ZFR2: variants seen among roughly 807,000 people sequenced by gnomAD.
The protein encoded by ZFR2 is zinc finger RNA-binding protein 2.
In ZFR2, 104 loss-of-function variants were observed where a neutral mutation model predicts 105.7. The ratio of observed to expected loss-of-function variants is 0.98; its 90% confidence interval spans 0.84 to 1.16. The LOEUF (loss-of-function observed/expected upper bound fraction) is 1.16, where lower values mean the gene tolerates loss of function less well. ZFR2 is among the 50% of genes most tolerant of loss of function. ZFR2 has a pLI of 0.00. For missense variants in ZFR2, 1,425 were observed against 1,355.5 expected, an observed-to-expected ratio of 1.05 and a Z score of -0.80; for synonymous variants, 634 against 597.7, an observed-to-expected ratio of 1.06 and a Z score of -0.89.
chr19:3,820,594 C>A (rs2037879289), intron 10 of ZFR2, among the ~76,000 whole-genome samples: 2 of 152,124 alleles, frequency 1.3e-5, no homozygotes, highest in African/African-American at 4.8e-5. Flanking sequence ...ACACCAGAGT[C>A]AGATGTTACA....
rs1159279080 is a variant in ZFR2 at position 3,838,786 on chromosome 19, G to A, written c.54-3803C>T. On this transcript the variant is annotated intron_variant, in intron 1 of 18. Coordinates refer to ENST00000262961, the MANE Select transcript of ZFR2 (RefSeq NM_015174.2). The surrounding 1 kb of genome is among the most constrained non-coding windows in gnomAD (Gnocchi z 4.9). ...CCTGGTCCTGCTTTTTCTTCTTCCT[G>A]GCACCACCCAGTATACACTGCACGT... Among the ~76,000 whole-genome samples, 3 of 151,966 alleles carry A rather than the reference G, an allele frequency of 2.0e-5. No homozygotes were observed. The highest frequency in any genetic ancestry group is 4.4e-5 in the Non-Finnish European group (3 of 68,008).
intron 6 of ZFR2, 29 bp downstream of exon 6, chr19:3,827,442 G>A: frequency 3.3e-6 from 5 of 1,502,554 alleles, no homozygotes; most frequent in Non-Finnish European, 4.4e-6. Context: ...TCCCCAGGGT[G>A]GCAGAGCCTG....
At position 3,821,332 on chromosome 19, in the gene ZFR2, C is replaced by A. The variant is rs200193713; in HGVS notation, c.1631+8G>T. The A allele has an allele frequency of 4.6e-4, 721 of 1,579,250 alleles. 10 individuals carry two copies. The Middle Eastern group carries it at 7.4e-3, about 16-fold the overall frequency. On this transcript the variant is annotated splice_region_variant and intron_variant, in intron 10 of 18. Transcript: ENST00000262961. ...CAGGCCCCCTTGCCAAGACCCGCAG[C>A]CGGGCACCTCCTCTCCGCGTGCCAG...
rs201795020 is a variant in ZFR2 at position 3,813,881 on chromosome 19, C to G, written c.2181G>C (p.Arg727Ser). 78 of 1,613,782 alleles carry G rather than the reference C, an allele frequency of 4.8e-5. No individual in the cohort carries two copies. The highest frequency in any genetic ancestry group is 6.2e-5 in the Non-Finnish European group (73 of 1,179,870). ...NIVISSCEEP[R>S]MQVTISVTSP... The stretch of plus-strand genomic sequence containing the variant: ...AGGTGACAGATATGGTGACCTGCAT[C>G]CTGGGCTCCTCACAGGAGGAGATGA... Residue 727 changes from arginine (R) to serine (S), a missense_variant, in exon 14 of 19, where the codon AGG (arginine) becomes AGC (serine). Physicochemically the swap from Arg to Ser is moderately radical, Grantham distance 110 (BLOSUM62 -1). Transcript: ENST00000262961. This position sits in a 1 kb window ranked among gnomAD's most constrained non-coding sequence, Gnocchi z 4.4.
At position 3,831,311 on chromosome 19, in the gene ZFR2, C is replaced by T; in HGVS notation, c.844G>A (p.Gly282Ser). 1 of 1,536,366 alleles carries T rather than the reference C, an allele frequency of 6.5e-7. No individual in the cohort carries two copies. The highest frequency in any genetic ancestry group is 2.4e-5 in the East Asian group (1 of 41,592). Residue 282 changes from glycine to serine, a missense_variant, in exon 5 of 19, where the codon GGC becomes AGC. Transcript: ENST00000262961. Reference protein sequence around the residue: ...YCDICKISCAGPQTYREHLGG... With the variant: ...YCDICKISCASPQTYREHLGG... ...GCAGGAGGGCGACTGACCTGGGGGC[C>T]AGCGCAGCTGATCTTGCAGATGTCG...
In ZFR2 at chr19:3,813,826, C is replaced by T. The variant is rs891651325; in HGVS notation, c.2236G>A (p.Asp746Asn). The change falls in exon 14 of 19, where the codon GAC becomes AAC. Residue 746 changes from aspartate to asparagine, a missense_variant. Asp to Asn is a conservative substitution (Grantham distance 23). Coordinates refer to ENST00000262961, the MANE Select transcript of ZFR2 (RefSeq NM_015174.2). The surrounding 1 kb of genome is among the most constrained non-coding windows in gnomAD (Gnocchi z 4.4). ...SPLMREDPST[D>N]PGVEEPQADA... is the part of the protein sequence containing the mutation. ...AGGAAGGGCTGGGCCGCACCTGGGTCTGTGGAGGGGTCCTCCCGCATCAGA... is the reference window on the plus strand; with the variant it reads ...AGGAAGGGCTGGGCCGCACCTGGGTTTGTGGAGGGGTCCTCCCGCATCAGA... The T allele has an allele frequency of 6.2e-7, 1 of 1,613,640 alleles. No individual in the cohort carries two copies. Among genetic ancestry groups the T allele is most frequent in the Non-Finnish European group, 8.5e-7 (1 of 1,179,836 alleles).
At chr19:3,844,891 C>T (rs1053587984) in intron 1 of ZFR2, among the ~76,000 whole-genome samples, 1 of 152,182 alleles carries the variant, frequency 6.6e-6, no homozygotes, top group Non-Finnish European at 1.5e-5. Context: ...TCAGTCTCTG[C>T]AGCTAGTGTC....
At chr19:3,814,082 T>C in intron 13 of ZFR2, 124 bp from the exon 14 acceptor site, 1 of 1,407,662 alleles carries the variant, frequency 7.1e-7, no homozygotes, top group East Asian at 2.5e-5. Context: ...GCTGCCTGGG[T>C]GCCGGGCCCT....
At position 3,821,436 on chromosome 19, in the gene ZFR2, C is replaced by A. The variant is rs372547167; in HGVS notation, c.1535G>T (p.Ser512Ile). The A allele has an allele frequency of 2.5e-6, 4 of 1,609,872 alleles. No individual in the cohort carries two copies. In the East Asian group the frequency reaches 6.7e-5, roughly 27 times the overall value. Reference sequence around the variant, plus strand: ...CTCCTCCAGGACCTTCCGAGCCCGGCTGCTGGGCTCCGTGGCAATGGGAAG... The same window carrying A: ...CTCCTCCAGGACCTTCCGAGCCCGGATGCTGGGCTCCGTGGCAATGGGAAG... Reference protein sequence around the residue: ...PDLPIATEPSSRARKVLEERM... With the variant: ...PDLPIATEPSIRARKVLEERM... Residue 512 changes from serine (S) to isoleucine (I), a missense_variant, in exon 10 of 19, where the codon AGC becomes ATC. By Grantham distance (142) the Ser-to-Ile change is moderately radical. Transcript: ENST00000262961.
chr19:3,819,317 G>C, intron 11 of ZFR2, 82 bp from the exon 12 acceptor site: 1 of 1,382,722 alleles, frequency 7.2e-7, no homozygotes, highest in Non-Finnish European at 9.5e-7. Context: ...GTGGGGGCAG[G>C]TGGCCGTGGC....
Position 3,821,378 on chromosome 19 carries a change from C to T in ZFR2, c.1593G>A (p.Glu531=). 6.2e-7 allele frequency: 1 copy of T among 1,609,404 alleles called. No individual in the cohort carries two copies. The highest frequency in any genetic ancestry group is 8.5e-7 in the Non-Finnish European group (1 of 1,178,674). ...GCCAGCGCCGCAGCTGCTCCAGCCG[C>T]TCCTCCGCCAGGTGCCGCTGCTTCC... ...RMRKQRHLAE[E]RLEQLRRWHA... is the part of the protein sequence containing the mutation. Residue 531 remains glutamate, a synonymous_variant, in exon 10 of 19, where the codon GAG becomes GAA. Transcript: ENST00000262961.
At chr19:3,863,884 T>C (rs2038400914) in intron 1 of ZFR2, among the ~76,000 whole-genome samples, 1 of 152,080 alleles carries the variant, frequency 6.6e-6, no homozygotes, top group Admixed American at 6.5e-5. Flanking sequence ...ACTTTCCTCA[T>C]CAGCAAAATG....
rs1206554840 is a variant in ZFR2, at chr19:3,838,824, C to T, written c.54-3841G>A. On this transcript the variant is annotated intron_variant, in intron 1 of 18. Coordinates refer to ENST00000262961, the MANE Select transcript of ZFR2 (RefSeq NM_015174.2). The surrounding 1 kb of genome is among the most constrained non-coding windows in gnomAD (Gnocchi z 4.9). The stretch of plus-strand genomic sequence containing the variant: ...ATACACTGCACGTCTGTCCACAGGC[C>T]GTCTCCTCCCTGGTCCCGATGCCCT... Among the ~76,000 whole-genome samples, 2 of 152,262 alleles carry T rather than the reference C, an allele frequency of 1.3e-5. No homozygotes were observed. Among genetic ancestry groups the T allele is most frequent in the South Asian group, 2.1e-4 (1 of 4,826 alleles).
chr19:3,866,596 TCTC>T (rs968787625), intron 1 of ZFR2, among the ~76,000 whole-genome samples: 2 of 152,138 alleles, frequency 1.3e-5, no homozygotes, highest in African/African-American at 4.8e-5. Flanking sequence ...ACATTCAATT[TCTC>T]CTCTGGAAGG....
chr19:3,859,225 G>A (rs900446512), intron 1 of ZFR2, among the ~76,000 whole-genome samples: 3 of 152,126 alleles, frequency 2.0e-5, no homozygotes, highest in Non-Finnish European at 2.9e-5. Context: ...TCCTGCCCTC[G>A]AACATCAGAC....
At chr19:3,845,309 A>T (rs544336927) in intron 1 of ZFR2, among the ~76,000 whole-genome samples, 13 of 150,038 alleles carry the variant, frequency 8.7e-5, no homozygotes, top group East Asian at 3.9e-4. Context: ...TCTCTACAAA[A>T]TTTTTTTTTT....
intron 5 of ZFR2, among the ~76,000 whole-genome samples, chr19:3,829,751 C>T (rs761592785): frequency 2.0e-5 from 3 of 152,120 alleles, no homozygotes; most frequent in Non-Finnish European, 4.4e-5. Context: ...TGGGCTCAAG[C>T]GATCTACCGG....
At chr19:3,862,567 G>A (rs2038385317) in intron 1 of ZFR2, among the ~76,000 whole-genome samples, 1 of 152,130 alleles carries the variant, frequency 6.6e-6, no homozygotes, top group Admixed American at 6.6e-5. Context: ...CCAAATGCTG[G>A]GATTACAAGT....
At position 3,806,040 on chromosome 19, in the gene ZFR2, C is replaced by T. The variant is rs1460771485; in HGVS notation, c.2729G>A (p.Arg910His). ...LLPPRHRLGA[R>H]FRKRQRGPGE... ...AGGTCCCCGTTGCCTCTTCCGGAAG[C>T]GGGCCCCCAGCCGGTGTCTGGGCGG... Residue 910 changes from arginine (R) to histidine (H), a missense_variant, in exon 19 of 19, where the codon CGC becomes CAC. Arg to His is a conservative substitution (Grantham distance 29). Transcript: ENST00000262961. The T allele has an allele frequency of 7.1e-6, 11 of 1,539,390 alleles. No homozygotes were observed. Among genetic ancestry groups the T allele is most frequent in the South Asian group, 2.4e-5 (2 of 83,238 alleles).
Sources: gnomAD v4.1 joint callset for allele counts (sites outside exome capture counted in the v4.1 genomes callset) on GRCh38, gnomAD v4.1.1 for gene constraint, Gnocchi (gnomAD v3.1) non-coding constraint, MANE v1.5 for transcripts, NCBI Gene and HGNC (gene_info 2026-07-23, HGNC 2026-07-21) for gene names.